The following SLC24A3 variants were observed in gnomAD, a reference collection of about 807,000 sequenced individuals.
SLC24A3 encodes the protein solute carrier family 24 member 3, also known as sodium/potassium/calcium exchanger 3.
SLC24A3 carries 28 observed loss-of-function variants against 75.8 expected under a neutral mutation model. The ratio of observed to expected loss-of-function variants is 0.37; its 90% CI spans 0.27 to 0.51. The LOEUF (loss-of-function observed/expected upper bound fraction) is 0.51, where lower values mean the gene tolerates loss of function less well. SLC24A3 is among the 20% of genes least tolerant of loss of function. The pLI is 0.94. For missense variants in SLC24A3, 663 were observed against 847.8 expected, an observed-to-expected ratio of 0.78 and a Z score of 2.71; for synonymous variants, 372 against 334.1, an observed-to-expected ratio of 1.11 and a Z score of -1.24.
chr20:19,285,477 CAAAAAAAAAAA>C (rs35866612), intron 2 of SLC24A3, among the ~76,000 whole-genome samples: 3 of 43,038 alleles, frequency 7.0e-5, no homozygotes, highest in Non-Finnish European at 1.2e-4. Context: ...GACCCTGTCT[CAAAAAAAAAAA>C]AAAAAAAAAA....
chr20:19,569,076 G>A (rs2031007527), intron 3 of SLC24A3, among the ~76,000 whole-genome samples: 1 of 152,204 alleles, frequency 6.6e-6, no homozygotes, highest in Admixed American at 6.5e-5. Context: ...ACCCAAGAAA[G>A]AGTGGGTCAG....
chr20:19,311,167 CAT>C (rs1984447335), intron 2 of SLC24A3, among the ~76,000 whole-genome samples: 1 of 151,922 alleles, frequency 6.6e-6, no homozygotes. Flanking sequence ...TTTGGTTACT[CAT>C]ATGTGTGTAG....
intron 2 of SLC24A3, among the ~76,000 whole-genome samples, chr20:19,424,416 G>A (rs1311631123): frequency 6.6e-6 from 1 of 152,212 alleles, no homozygotes; most frequent in Non-Finnish European, 1.5e-5. Flanking sequence ...GGGGCCGGGT[G>A]CAGTGGCTCA....
chr20:19,324,095 G>T (rs752205304), intron 2 of SLC24A3, among the ~76,000 whole-genome samples: 1 of 152,156 alleles, frequency 6.6e-6, no homozygotes, highest in Non-Finnish European at 1.5e-5. Context: ...GAACAAGCTT[G>T]GTTGCTGCCA....
chr20:19,231,047 G>A (rs574321296), intron 1 of SLC24A3, among the ~76,000 whole-genome samples: 25 of 152,250 alleles, frequency 1.6e-4, no homozygotes, highest in South Asian at 4.1e-4. Flanking sequence ...TTTACCCCAC[G>A]TAATTATCTC....
At chr20:19,692,269 A>G (rs2032752856) in intron 12 of SLC24A3, among the ~76,000 whole-genome samples, 1 of 152,168 alleles carries the variant, frequency 6.6e-6, no homozygotes, top group African/African-American at 2.4e-5. Flanking sequence ...TGACTCAGCA[A>G]TTTTCCTGGG....
At chr20:19,686,094 G>T (rs1212017808) in intron 12 of SLC24A3, among the ~76,000 whole-genome samples, 1 of 152,210 alleles carries the variant, frequency 6.6e-6, no homozygotes, top group Admixed American at 6.5e-5. Flanking sequence ...CAGTTGGGCT[G>T]GTTTCAGGGG....
intron 2 of SLC24A3, among the ~76,000 whole-genome samples, chr20:19,443,717 A>C (rs902835738): frequency 6.6e-6 from 1 of 152,144 alleles, no homozygotes; most frequent in Admixed American, 6.5e-5. Flanking sequence ...GTTGAATAGG[A>C]GTAGTGAGAG....
At chr20:19,387,792 C>T (rs2122383407) in intron 2 of SLC24A3, among the ~76,000 whole-genome samples, 1 of 152,236 alleles carries the variant, frequency 6.6e-6, no homozygotes, top group African/African-American at 2.4e-5. Context: ...GTGTATTCTG[C>T]TGCTGTTGGA....
intron 2 of SLC24A3, among the ~76,000 whole-genome samples, chr20:19,290,622 A>G (rs144826094): frequency 1.3e-5 from 2 of 152,148 alleles, no homozygotes; most frequent in Non-Finnish European, 2.9e-5. Flanking sequence ...AGCTGTGAGA[A>G]ATAAATTTCT....
At chr20:19,402,364 G>A (rs1465789118) in intron 2 of SLC24A3, among the ~76,000 whole-genome samples, 1 of 152,144 alleles carries the variant, frequency 6.6e-6, no homozygotes, top group Non-Finnish European at 1.5e-5. Flanking sequence ...GGAGATATTA[G>A]AACTATTATT....
At chr20:19,410,632 C>T (rs956619457) in intron 2 of SLC24A3, among the ~76,000 whole-genome samples, 4 of 152,072 alleles carry the variant, frequency 2.6e-5, no homozygotes, top group Non-Finnish European at 5.9e-5. Context: ...TTCCAAAAAG[C>T]CGAAACCACA....
At chr20:19,230,220 G>A (rs978780883) in intron 1 of SLC24A3, among the ~76,000 whole-genome samples, 1 of 152,042 alleles carries the variant, frequency 6.6e-6, no homozygotes, top group Admixed American at 6.6e-5. Flanking sequence ...ACTCTCACCT[G>A]GTCACAATTG....
chr20:19,532,974 A>C (rs1011356556), intron 3 of SLC24A3, among the ~76,000 whole-genome samples: 8 of 152,192 alleles, frequency 5.3e-5, no homozygotes, highest in Non-Finnish European at 1.2e-4. Flanking sequence ...CAGCCAAACC[A>C]ACACATATTA....
chr20:19,434,118 T>C (rs1287310393), intron 2 of SLC24A3, among the ~76,000 whole-genome samples: 2 of 152,216 alleles, frequency 1.3e-5, no homozygotes, highest in African/African-American at 4.8e-5. Flanking sequence ...TTAATACACA[T>C]CACTGAGCTG....
chr20:19,289,000 C>A (rs1390111421), intron 2 of SLC24A3, among the ~76,000 whole-genome samples: 1 of 152,122 alleles, frequency 6.6e-6, no homozygotes, highest in African/African-American at 2.4e-5. Flanking sequence ...TGCTGCTGCC[C>A]CTGGTTCCAG....
At chr20:19,514,340 C>T (rs770228995) in intron 2 of SLC24A3, among the ~76,000 whole-genome samples, 3 of 152,244 alleles carry the variant, frequency 2.0e-5, no homozygotes, top group Non-Finnish European at 4.4e-5. Flanking sequence ...GCTCCACATC[C>T]TTGTCGGAGG....
At chr20:19,720,961 T>C (rs778482191) in intron 16 of SLC24A3, 30 bp from the exon 17 acceptor site, 4 of 1,610,588 alleles carry the variant, frequency 2.5e-6, no homozygotes, top group African/African-American at 1.3e-5. Context: ...CTCCTCCTGG[T>C]GCCCTCTGAA....
chr20:19,486,732 A>G (rs924450086), intron 2 of SLC24A3, among the ~76,000 whole-genome samples: 1 of 152,204 alleles, frequency 6.6e-6, no homozygotes, highest in Non-Finnish European at 1.5e-5. Context: ...TTTAGGGACT[A>G]TAAGTATCTA....
Sources: gnomAD v4.1 joint callset for allele counts (sites outside exome capture counted in the v4.1 genomes callset) on GRCh38, gnomAD v4.1.1 for gene constraint, MANE v1.5 for transcripts, NCBI Gene and HGNC (gene_info 2026-07-23, HGNC 2026-07-21) for gene names.